SUCLG2: variants seen among roughly 807,000 people sequenced by gnomAD.
SUCLG2 encodes the protein succinate-CoA ligase GDP-forming subunit beta.
Under a neutral mutation model 47.9 loss-of-function variants are expected in SUCLG2, and 42 were observed. The observed-to-expected ratio is 0.88, with a 90% confidence interval of 0.69 to 1.14. The LOEUF (loss-of-function observed/expected upper bound fraction) is 1.14, where lower values mean the gene tolerates loss of function less well. Ranked by LOEUF, SUCLG2 falls within the 50% of genes most tolerant of loss-of-function variation. The probability of loss-of-function intolerance (pLI) is 0.00; values close to 1 mark genes in which losing one functional copy is unlikely to be tolerated. For synonymous variants in SUCLG2, 195 were observed against 197.3 expected, an observed-to-expected ratio of 0.99 and a Z score of 0.10; for missense variants, 571 against 525.9, an observed-to-expected ratio of 1.09 and a Z score of -0.84.
chr3:67,650,671 C>T (rs938627518), intron 1 of SUCLG2, among the ~76,000 whole-genome samples: 7 of 152,066 alleles, frequency 4.6e-5, no homozygotes, highest in African/African-American at 4.8e-5. Context: ...GCAGGAGAAT[C>T]GCTTGTACCC....
intron 9 of SUCLG2, among the ~76,000 whole-genome samples, chr3:67,466,167 A>T (rs1704465232): frequency 6.6e-6 from 1 of 151,970 alleles, no homozygotes; most frequent in Non-Finnish European, 1.5e-5. Flanking sequence ...AGCCTGGCCA[A>T]CATGGTGAAA....
downstream of SUCLG2, among the ~76,000 whole-genome samples, chr3:67,370,069 T>C (rs186471931): frequency 1.3e-5 from 2 of 152,320 alleles, no homozygotes; most frequent in Admixed American, 6.5e-5. Context: ...TTTCAATGTA[T>C]GCGAATATTT....
Position 67,443,290 on chromosome 3 carries a change from G to A in SUCLG2, c.1063-42439C>T, listed in dbSNP as rs1195166515. On this transcript the variant is annotated intron_variant, in intron 9 of 10. Coordinates refer to ENST00000307227, the MANE Select transcript of SUCLG2 (RefSeq NM_003848.4). Reference sequence around the variant, plus strand: ...AACTAATGAAATTAGATCTCGGACCGCCGGGAGGATGGAGTTCAGCGGGCA... The same window carrying A: ...AACTAATGAAATTAGATCTCGGACCACCGGGAGGATGGAGTTCAGCGGGCA... Among the ~76,000 whole-genome samples the A allele has an allele frequency of 9.3e-5, 2 of 21,408 alleles. 1 individual carries two copies. Among genetic ancestry groups the A allele is most frequent in the Non-Finnish European group, 2.6e-4 (2 of 7,584 alleles). The allele number at this position is 21,408 out of a possible 152,430, so 14.0% of individuals were successfully genotyped here.
At chr3:67,596,499 C>A (rs967472951) in intron 2 of SUCLG2, among the ~76,000 whole-genome samples, 1 of 152,186 alleles carries the variant, frequency 6.6e-6, no homozygotes, top group African/African-American at 2.4e-5. Flanking sequence ...GAAGGCTTCC[C>A]TGACCACCCA....
intron 2 of SUCLG2, among the ~76,000 whole-genome samples, chr3:67,564,111 A>G (rs752925778): frequency 3.9e-5 from 6 of 152,234 alleles, no homozygotes; most frequent in Non-Finnish European, 7.3e-5. Flanking sequence ...TTTTCCTACT[A>G]GAAAAATCAA....
chr3:67,490,701 G>C (rs182814222), intron 9 of SUCLG2, among the ~76,000 whole-genome samples: 1 of 152,258 alleles, frequency 6.6e-6, no homozygotes, highest in Admixed American at 6.5e-5. Context: ...AAAAGCCAAA[G>C]TTTTCACTAT....
intron 1 of SUCLG2, among the ~76,000 whole-genome samples, chr3:67,623,630 C>G (rs759852905): frequency 6.6e-6 from 1 of 152,124 alleles, no homozygotes; most frequent in Non-Finnish European, 1.5e-5. Context: ...CATTAAAACC[C>G]GCCCAACTAC....
At chr3:67,542,646 A>G (rs886951850) in intron 2 of SUCLG2, among the ~76,000 whole-genome samples, 1 of 152,214 alleles carries the variant, frequency 6.6e-6, no homozygotes, top group Non-Finnish European at 1.5e-5. Flanking sequence ...AGCAAATGGA[A>G]AGCAAACAAA....
intron 9 of SUCLG2, among the ~76,000 whole-genome samples, chr3:67,432,399 T>C (rs1703508167): frequency 6.6e-6 from 1 of 152,190 alleles, no homozygotes; most frequent in Admixed American, 6.5e-5. Flanking sequence ...ATCAACAAGG[T>C]CTGATTTGAA....
At chr3:67,517,656 T>C (rs1381134976) in intron 6 of SUCLG2, among the ~76,000 whole-genome samples, 1 of 152,218 alleles carries the variant, frequency 6.6e-6, no homozygotes, top group Non-Finnish European at 1.5e-5. Context: ...AGCCAAGGGA[T>C]ATTATTACAA....
At chr3:67,574,361 A>G (rs1707690979) in intron 2 of SUCLG2, among the ~76,000 whole-genome samples, 1 of 152,226 alleles carries the variant, frequency 6.6e-6, no homozygotes, top group African/African-American at 2.4e-5. Flanking sequence ...TAATGACCAC[A>G]TGGTATAAAG....
intron 9 of SUCLG2, among the ~76,000 whole-genome samples, chr3:67,448,663 T>C (rs1301313294): frequency 1.3e-5 from 2 of 152,244 alleles, no homozygotes; most frequent in African/African-American, 4.8e-5. Context: ...AAAAAGTAGA[T>C]AACAATTAAA....
intron 2 of SUCLG2, among the ~76,000 whole-genome samples, chr3:67,584,561 T>A (rs531981952): frequency 3.3e-5 from 5 of 152,320 alleles, no homozygotes; most frequent in Admixed American, 2.6e-4. Flanking sequence ...TTGTTGAATG[T>A]ATTAATAGTT....
At chr3:67,638,485 A>G (rs929565434) in intron 1 of SUCLG2, among the ~76,000 whole-genome samples, 2 of 152,218 alleles carry the variant, frequency 1.3e-5, no homozygotes, top group Non-Finnish European at 2.9e-5. Context: ...GAATGCAAAC[A>G]CAGTTCTTTT....
chr3:67,650,192 A>G (rs1239608731), intron 1 of SUCLG2, among the ~76,000 whole-genome samples: 2 of 152,270 alleles, frequency 1.3e-5, no homozygotes, highest in South Asian at 4.1e-4. Context: ...AGGGAGATAC[A>G]GGTAAGTCAC....
chr3:67,387,594 G>C (rs968673047), intron 10 of SUCLG2, among the ~76,000 whole-genome samples: 1 of 152,152 alleles, frequency 6.6e-6, no homozygotes, highest in African/African-American at 2.4e-5. Context: ...AGATTTAAAG[G>C]AGTGCATCTT....
chr3:67,551,528 C>T (rs1391325498), intron 2 of SUCLG2, among the ~76,000 whole-genome samples: 1 of 152,130 alleles, frequency 6.6e-6, no homozygotes, highest in African/African-American at 2.4e-5. Flanking sequence ...CAGGCTGAGG[C>T]TTATATCAGC....
chr3:67,386,984 T>C (rs1248770383), intron 10 of SUCLG2, among the ~76,000 whole-genome samples: 1 of 152,190 alleles, frequency 6.6e-6, no homozygotes, highest in Non-Finnish European at 1.5e-5. Context: ...TCTCTCTTTG[T>C]ATCTCTTTCT....
intron 2 of SUCLG2, among the ~76,000 whole-genome samples, chr3:67,532,016 G>GA (rs796623438): frequency 2.3e-4 from 35 of 150,216 alleles, no homozygotes; most frequent in South Asian, 1.0e-3. Flanking sequence ...TATTAGAAAA[G>GA]AAAAAAAAAT....
Sources: gnomAD v4.1 joint callset for allele counts (sites outside exome capture counted in the v4.1 genomes callset) on GRCh38, gnomAD v4.1.1 for gene constraint, MANE v1.5 for transcripts, NCBI Gene and HGNC (gene_info 2026-07-23, HGNC 2026-07-21) for gene names.